KAZN: variants seen among roughly 807,000 people sequenced by gnomAD.
The protein encoded by KAZN is kazrin, periplakin interacting protein.
In KAZN, 40 loss-of-function variants were observed where a neutral mutation model predicts 87.4. That is an observed-to-expected ratio of 0.46 (90% confidence interval 0.36 to 0.60). KAZN has a LOEUF of 0.60. Ranked by LOEUF, KAZN falls within the 20% of genes least tolerant of loss-of-function variation. The pLI is 0.00. For missense variants in KAZN, 898 were observed against 1,073.9 expected (o/e 0.84, Z 2.29); for synonymous variants, 466 against 458.3 (o/e 1.02, Z -0.22).
intron 2 of KAZN, among the ~76,000 whole-genome samples, chr1:14,485,825 G>A (rs767990613): frequency 9.9e-5 from 15 of 151,296 alleles, no homozygotes; most frequent in Admixed American, 2.6e-4. Context: ...CCCCAGAGGC[G>A]GAGGTTGCAG....
chr1:14,515,841 T>C (rs2148456180), intron 2 of KAZN, among the ~76,000 whole-genome samples: 1 of 152,204 alleles, frequency 6.6e-6, no homozygotes, highest in East Asian at 1.9e-4. Context: ...CTCCTGGAAA[T>C]GCTTCTGTTC....
chr1:14,121,284 G>T (rs1644746545), intron 1 of KAZN, among the ~76,000 whole-genome samples: 1 of 152,132 alleles, frequency 6.6e-6, no homozygotes, highest in Non-Finnish European at 1.5e-5. Flanking sequence ...CTCTTCTGTT[G>T]GTCAGCTAAC....
At chr1:14,119,401 T>A (rs1379396231) in intron 1 of KAZN, among the ~76,000 whole-genome samples, 1 of 152,222 alleles carries the variant, frequency 6.6e-6, no homozygotes, top group Non-Finnish European at 1.5e-5. Flanking sequence ...TGTTGGATGC[T>A]AAGGGGCAGC....
At position 14,110,907 on chromosome 1, in the gene KAZN, G is replaced by A. The variant is rs1341902740; in HGVS notation, c.92-69528G>A. ...TTACAATTAATTTTAACTTTTGTTTGTGTGTGTTTTTTACTTTTTAATGAG... is the reference window on the plus strand; with the variant it reads ...TTACAATTAATTTTAACTTTTGTTTATGTGTGTTTTTTACTTTTTAATGAG... On this transcript the variant is annotated intron_variant, in intron 1 of 16. Transcript: ENST00000636203. Among the ~76,000 whole-genome samples, 3 of 135,312 alleles carry A rather than the reference G, an allele frequency of 2.2e-5. 1 individual carries two copies. Among genetic ancestry groups the A allele is most frequent in the African/African-American group, 8.6e-5 (3 of 35,040 alleles). 88.8% of individuals were successfully genotyped at this position (135,312 alleles called of 152,430 possible). A position where few individuals can be genotyped will look rare whatever the true frequency, so the allele number is the denominator to read the frequency against.
intron 2 of KAZN, among the ~76,000 whole-genome samples, chr1:14,969,824 T>C (rs1035405548): frequency 1.3e-5 from 2 of 152,100 alleles, no homozygotes; most frequent in African/African-American, 4.8e-5. Flanking sequence ...TATATTATTT[T>C]TCGTGGGGGG....
intron 1 of KAZN, among the ~76,000 whole-genome samples, chr1:14,749,690 G>A (rs10927529): frequency 0.049 from 7,419 of 152,164 alleles, 226 homozygotes; most frequent in South Asian, 0.15. Flanking sequence ...GGACCTGTGC[G>A]TCCTCACACA....
chr1:14,478,077 T>G (rs2148384453), intron 2 of KAZN, among the ~76,000 whole-genome samples: 1 of 152,290 alleles, frequency 6.6e-6, no homozygotes, highest in Middle Eastern at 3.4e-3. Context: ...TCTCACTGCC[T>G]TGAGCTCACA....
intron 1 of KAZN, among the ~76,000 whole-genome samples, chr1:14,704,668 C>T (rs1295981470): frequency 6.6e-6 from 1 of 152,174 alleles, no homozygotes. Flanking sequence ...TGCATCTGGA[C>T]GTCTTTTCCA....
At chr1:14,961,017 C>A in intron 2 of KAZN, 142 bp downstream of exon 2, 1 of 823,692 alleles carries the variant, frequency 1.2e-6, no homozygotes, top group Non-Finnish European at 1.8e-6. Context: ...CCTGTCCCTT[C>A]TTCGAGTGGA....
At position 14,599,133 on chromosome 1, in the gene KAZN, C is replaced by A; in HGVS notation, c.136C>A (p.Pro46Thr). Residue 46 changes from proline (P) to threonine (T), a missense_variant, in exon 1 of 15, where the codon CCC becomes ACC. Physicochemically the swap from Pro to Thr is conservative, Grantham distance 38 (BLOSUM62 -1). Coordinates refer to ENST00000376030, the MANE Select transcript of KAZN (RefSeq NM_201628.3). The surrounding 1 kb of genome is among the most constrained non-coding windows in gnomAD (Gnocchi z 4.4). The part of the protein sequence containing the change: ...RLAELSGGGG[P>T]GPGPGAAASA... ...GGCGGAACTGAGCGGCGGCGGCGGC[C>A]CCGGCCCGGGCCCGGGAGCCGCGGC... The A allele has an allele frequency of 6.7e-7, 1 of 1,495,764 alleles. No homozygotes were observed. Among genetic ancestry groups the A allele is most frequent in the Non-Finnish European group, 8.9e-7 (1 of 1,126,718 alleles). The allele number at this position is 1,495,764 out of a possible 1,614,324, so 92.7% of individuals were successfully genotyped here.
chr1:14,338,865 G>A (rs897815641), intron 2 of KAZN, among the ~76,000 whole-genome samples: 6 of 152,154 alleles, frequency 3.9e-5, no homozygotes, highest in East Asian at 1.9e-4. Flanking sequence ...TATGTTGCTC[G>A]TAGCTGAAAG....
intron 1 of KAZN, among the ~76,000 whole-genome samples, chr1:14,706,004 A>G (rs575314399): frequency 6.6e-6 from 1 of 152,236 alleles, no homozygotes; most frequent in East Asian, 1.9e-4. Context: ...CATGGCTCAC[A>G]TTACCACCTG....
At chr1:14,801,693 T>G (rs946189048) in intron 1 of KAZN, among the ~76,000 whole-genome samples, 7 of 91,138 alleles carry the variant, frequency 7.7e-5, no homozygotes, top group African/African-American at 2.3e-4. Context: ...TGTTTTTTTG[T>G]TTTTTTTTTG....
chr1:14,420,949 G>A (rs892468599), intron 2 of KAZN, among the ~76,000 whole-genome samples: 2 of 143,664 alleles, frequency 1.4e-5, no homozygotes, highest in African/African-American at 5.0e-5. Context: ...GCCAGCTCCG[G>A]CCTCCGCCAG....
At chr1:14,329,186 A>G (rs1656668368) in intron 2 of KAZN, among the ~76,000 whole-genome samples, 1 of 152,148 alleles carries the variant, frequency 6.6e-6, no homozygotes, top group South Asian at 2.1e-4. Context: ...TGTTCTTCCC[A>G]CAAGAAAATG....
At chr1:14,524,990 T>C (rs1671787217) in intron 2 of KAZN, among the ~76,000 whole-genome samples, 1 of 152,246 alleles carries the variant, frequency 6.6e-6, no homozygotes, top group Non-Finnish European at 1.5e-5. Context: ...TTAACACCAG[T>C]GATCTACTCC....
At chr1:14,067,055 G>A (rs1411299375) in intron 1 of KAZN, among the ~76,000 whole-genome samples, 1 of 151,940 alleles carries the variant, frequency 6.6e-6, no homozygotes, top group Non-Finnish European at 1.5e-5. Flanking sequence ...ATATTGCCCA[G>A]TTCTGTTTCC....
chr1:13,942,721 A>G (rs1044115220), intron 1 of KAZN, among the ~76,000 whole-genome samples: 21 of 152,302 alleles, frequency 1.4e-4, no homozygotes, highest in African/African-American at 5.1e-4. Context: ...TTATTTACGC[A>G]TGGACATTAA....
chr1:14,598,818 G>A lies in KAZN; in HGVS notation c.-180G>A, dbSNP rs1676698794. 2 of 1,374,616 alleles carry A rather than the reference G, an allele frequency of 1.5e-6. No individual in the cohort carries two copies. The highest frequency in any genetic ancestry group is 6.2e-5 in the East Asian group (2 of 32,224). 85.2% of individuals were successfully genotyped at this position (1,374,616 alleles called of 1,614,324 possible). Reference sequence around the variant, plus strand: ...CGCCACCGCCGCGGCTAGGGCTGGAGGCGCCGCTGTCATTCCTGTGCCGGA... The same window carrying A: ...CGCCACCGCCGCGGCTAGGGCTGGAAGCGCCGCTGTCATTCCTGTGCCGGA... On this transcript the variant is annotated 5_prime_UTR_variant, in exon 1 of 15. Transcript: ENST00000376030. The surrounding 1 kb of genome is among the most constrained non-coding windows in gnomAD (Gnocchi z 4.2).
Sources: gnomAD v4.1 joint callset for allele counts (sites outside exome capture counted in the v4.1 genomes callset) on GRCh38, gnomAD v4.1.1 for gene constraint, Gnocchi (gnomAD v3.1) non-coding constraint, MANE v1.5 for transcripts, NCBI Gene and HGNC (gene_info 2026-07-23, HGNC 2026-07-21) for gene names.